Variants in NGEF observed in about 807,000 individuals in gnomAD.
NGEF encodes neuronal guanine nucleotide exchange factor.
In NGEF, 31 loss-of-function variants were observed where a neutral mutation model predicts 80.9. The ratio of observed to expected loss-of-function variants is 0.38; its 90% CI spans 0.29 to 0.52. The LOEUF (loss-of-function observed/expected upper bound fraction) is 0.52. Ranked by LOEUF, NGEF falls within the 20% of genes least tolerant of loss-of-function variation. The pLI, the probability that NGEF is intolerant of heterozygous loss-of-function variation, is 0.84. For missense variants in NGEF, 709 were observed against 926.2 expected (o/e 0.77, Z 3.04); for synonymous variants, 371 against 370.2 (o/e 1.00, Z -0.03).
intron 1 of NGEF, among the ~76,000 whole-genome samples, chr2:233,000,877 GC>G (rs1694962452): frequency 6.6e-6 from 1 of 152,100 alleles, no homozygotes; most frequent in Non-Finnish European, 1.5e-5. Context: ...CAAACATTTA[GC>G]CCATAACAAC....
intron 5 of NGEF, among the ~76,000 whole-genome samples, chr2:232,918,687 T>C (rs994215072): frequency 3.8e-4 from 56 of 147,814 alleles, no homozygotes; most frequent in Admixed American, 2.1e-3. Context: ...CAGGCTGGAG[T>C]GCAGTGGCGT....
chr2:232,923,777 A>T (rs367692036), intron 4 of NGEF, among the ~76,000 whole-genome samples: 2 of 152,206 alleles, frequency 1.3e-5, no homozygotes, highest in South Asian at 4.1e-4. Context: ...AGACACAGGC[A>T]CAAGGCATAG....
chr2:232,914,298 C>A (rs1218043783), intron 5 of NGEF, among the ~76,000 whole-genome samples: 1 of 152,256 alleles, frequency 6.6e-6, no homozygotes, highest in African/African-American at 2.4e-5. Context: ...TGTGGCTAAA[C>A]TGATGTTTGT....
intron 3 of NGEF, among the ~76,000 whole-genome samples, chr2:232,933,734 G>A (rs1465420194): frequency 6.6e-6 from 1 of 152,214 alleles, no homozygotes; most frequent in African/African-American, 2.4e-5. Flanking sequence ...TTCAAGTGCT[G>A]TTCCCTCCCC....
chr2:232,976,990 A>G (rs57088942), intron 1 of NGEF, among the ~76,000 whole-genome samples: 37,165 of 152,140 alleles, frequency 0.24, 5,169 homozygotes, highest in East Asian at 0.61. Flanking sequence ...TGGACCATTA[A>G]TACGCACCCT....
chr2:232,965,777 G>A (rs538591838), intron 3 of NGEF, among the ~76,000 whole-genome samples: 3 of 152,216 alleles, frequency 2.0e-5, no homozygotes, highest in Non-Finnish European at 4.4e-5. Flanking sequence ...GCGACATGTG[G>A]CACAGTGGAG....
At chr2:232,930,005 C>T (rs1248315027) in intron 3 of NGEF, among the ~76,000 whole-genome samples, 2 of 152,142 alleles carry the variant, frequency 1.3e-5, no homozygotes, top group African/African-American at 2.4e-5. Flanking sequence ...CCATCTAAGA[C>T]GTGCCTTTCG....
At chr2:232,901,094 C>G (rs894684885) in intron 5 of NGEF, among the ~76,000 whole-genome samples, 6 of 152,206 alleles carry the variant, frequency 3.9e-5, no homozygotes, top group Admixed American at 2.6e-4. Flanking sequence ...CAACCTGCTC[C>G]TGATGGAGAA....
chr2:232,889,342 C>T (rs911842237), intron 8 of NGEF, among the ~76,000 whole-genome samples: 10 of 152,182 alleles, frequency 6.6e-5, no homozygotes, highest in African/African-American at 2.2e-4. Flanking sequence ...AGCCTCCACT[C>T]GGTGTGTCCC....
intron 1 of NGEF, among the ~76,000 whole-genome samples, chr2:232,995,739 T>C (rs1694827322): frequency 6.8e-6 from 1 of 146,106 alleles, no homozygotes; most frequent in South Asian, 2.1e-4. Flanking sequence ...TACATATACA[T>C]ATGCACAATA....
chr2:232,953,117 G>T (rs544558024), intron 3 of NGEF, among the ~76,000 whole-genome samples: 2 of 150,940 alleles, frequency 1.3e-5, no homozygotes, highest in African/African-American at 2.4e-5. Context: ...GCCTGACCAA[G>T]ATGGTGAAAC....
intron 5 of NGEF, among the ~76,000 whole-genome samples, chr2:232,899,971 TAC>T (rs200719305): frequency 0.053 from 5,122 of 95,980 alleles, 876 homozygotes; most frequent in East Asian, 0.12. Flanking sequence ...GTCACTCATA[TAC>T]ACATTCACTC....
chr2:232,943,230 C>T (rs1242661449), intron 3 of NGEF, among the ~76,000 whole-genome samples: 1 of 151,044 alleles, frequency 6.6e-6, no homozygotes, highest in Non-Finnish European at 1.5e-5. Context: ...TTGAAATTAG[C>T]ATTTGTTCTT....
chr2:232,879,084 C>T lies in NGEF; in HGVS notation c.*405G>A, dbSNP rs35811586. The stretch of plus-strand genomic sequence containing the variant: ...TAACTGCTTCCAAGGTAGAGGAGGA[C>T]GCGTGCAGGAAATCGTGTCAATTGT... On this transcript the variant is annotated 3_prime_UTR_variant, in exon 15 of 15. Transcript: ENST00000264051. The T allele has an allele frequency of 0.038, 6,253 of 163,560 alleles. 170 individuals are homozygous for T. Among genetic ancestry groups the T allele is most frequent in the Non-Finnish European group, 0.057 (4,245 of 75,076 alleles). The allele number at this position is 163,560 out of a possible 1,614,324, so 10.1% of individuals were successfully genotyped here. A position where few individuals can be genotyped will look rare whatever the true frequency, so the allele number is the denominator to read the frequency against.
chr2:232,904,369 C>T (rs953412997), intron 5 of NGEF, among the ~76,000 whole-genome samples: 13 of 152,126 alleles, frequency 8.5e-5, no homozygotes, highest in African/African-American at 3.1e-4. Flanking sequence ...GCTGGAACTA[C>T]AGGCATGTGC....
intron 1 of NGEF, among the ~76,000 whole-genome samples, chr2:232,993,486 G>A (rs1217382288): frequency 6.6e-6 from 1 of 151,880 alleles, no homozygotes; most frequent in African/African-American, 2.4e-5. Flanking sequence ...TAAAATGGTT[G>A]GGGCACTTTG....
In NGEF at chr2:232,900,695, C is replaced by T. The variant is rs200750961; in HGVS notation, c.829-5779G>A. Among the ~76,000 whole-genome samples, 30 of 145,008 alleles carry T rather than the reference C, an allele frequency of 2.1e-4. 1 individual carries two copies. Among genetic ancestry groups the T allele is most frequent in the African/African-American group, 6.9e-4 (26 of 37,876 alleles). ...ACACGCTCTCAGTCACTCATATACA[C>T]GTTCACTCACATTCACACACACGCT... is the stretch of plus-strand genomic sequence containing the variant. On this transcript the variant is annotated intron_variant, in intron 5 of 14. Coordinates refer to ENST00000264051, the MANE Select transcript of NGEF (RefSeq NM_019850.3).
At chr2:232,961,108 G>A (rs1251129043) in intron 3 of NGEF, among the ~76,000 whole-genome samples, 1 of 152,168 alleles carries the variant, frequency 6.6e-6, no homozygotes, top group African/African-American at 2.4e-5. Context: ...GATGGGCACT[G>A]ACTACCAAGA....
At chr2:232,990,479 A>C (rs1694628592) in intron 1 of NGEF, among the ~76,000 whole-genome samples, 1 of 152,112 alleles carries the variant, frequency 6.6e-6, no homozygotes, top group Admixed American at 6.5e-5. Flanking sequence ...GTGCCATTCC[A>C]ATGAAAAAAC....
Sources: gnomAD v4.1 joint callset for allele counts (sites outside exome capture counted in the v4.1 genomes callset) on GRCh38, gnomAD v4.1.1 for gene constraint, MANE v1.5 for transcripts, NCBI Gene and HGNC (gene_info 2026-07-23, HGNC 2026-07-21) for gene names.